Variants in GRB10 observed in about 807,000 individuals in gnomAD.
The protein encoded by GRB10 is growth factor receptor bound protein 10.
A neutral mutation model predicts 80.9 loss-of-function variants in GRB10; 20 were observed. That is an observed-to-expected ratio of 0.25 (90% confidence interval 0.17 to 0.36). The LOEUF is 0.36. Among genes scored for constraint, GRB10 ranks in the 10% least tolerant of loss-of-function variants. The pLI is 1.00. For missense variants in GRB10, 548 were observed against 747.7 expected (o/e 0.73, Z 3.12); for synonymous variants, 291 against 291.5 (o/e 1.00, Z 0.02).
intron 1 of GRB10, among the ~76,000 whole-genome samples, chr7:50,791,681 G>T (rs2078921310): frequency 2.0e-5 from 3 of 152,204 alleles, no homozygotes; most frequent in Admixed American, 2.0e-4. Context: ...AATGCCTGCT[G>T]GGCGTGTAAC....
chr7:50,606,691 C>T (rs2048593756), intron 13 of GRB10: 3 of 466,764 alleles, frequency 6.4e-6, no homozygotes, highest in Non-Finnish European at 1.2e-5. Flanking sequence ...ATAACATAAA[C>T]AGTTAATTAA....
rs571143537 is a variant in GRB10, at chr7:50,690,068, G to A, written c.139+13753C>T. ...TCCCAGCACTTTGGGAGGCCAAGAC[G>A]GGAGGATCACCTGAGGTCAGGAGTC... On this transcript the variant is annotated intron_variant, in intron 5 of 18. Transcript: ENST00000401949. Among the ~76,000 whole-genome samples the A allele has an allele frequency of 6.1e-4, 93 of 151,648 alleles. 1 individual carries two copies. The highest frequency in any genetic ancestry group is 1.3e-4 in the Admixed American group (2 of 15,250).
chr7:50,595,740 A>G (rs1585392623), intron 17 of GRB10: 30 of 524,748 alleles, frequency 5.7e-5, no homozygotes, highest in South Asian at 5.5e-4. Flanking sequence ...CTGAATTGTC[A>G]TTCTCCATTG....
intron 7 of GRB10, among the ~76,000 whole-genome samples, chr7:50,647,933 T>A (rs145888056): frequency 2.0e-5 from 3 of 152,090 alleles, no homozygotes; most frequent in Non-Finnish European, 4.4e-5. Context: ...GGAGGTATCA[T>A]GTTTGGAGGG....
At chr7:50,657,606 A>G (rs776071280) in intron 7 of GRB10, among the ~76,000 whole-genome samples, 5 of 152,230 alleles carry the variant, frequency 3.3e-5, no homozygotes, top group African/African-American at 4.8e-5. Flanking sequence ...CTGATTCTAG[A>G]GAATCTCTGT....
intron 7 of GRB10, among the ~76,000 whole-genome samples, chr7:50,645,873 C>T (rs758367504): frequency 1.5e-3 from 233 of 152,292 alleles, no homozygotes; most frequent in Non-Finnish European, 2.7e-3. Context: ...AGCCACATTG[C>T]GAGGAACTGC....
intron 6 of GRB10, among the ~76,000 whole-genome samples, chr7:50,670,455 A>T (rs554728954): frequency 6.7e-6 from 1 of 150,350 alleles, no homozygotes; most frequent in Admixed American, 6.7e-5. Context: ...CGAAAACTTT[A>T]AAAAAATTAC....
intron 2 of GRB10, among the ~76,000 whole-genome samples, chr7:50,763,315 T>G (rs1196147955): frequency 6.6e-6 from 1 of 152,028 alleles, no homozygotes; most frequent in African/African-American, 2.4e-5. Flanking sequence ...GGGAGACATA[T>G]ACAAACACAT....
chr7:50,787,860 C>T (rs1314953780), upstream of GRB10, among the ~76,000 whole-genome samples: 1 of 152,228 alleles, frequency 6.6e-6, no homozygotes, highest in Non-Finnish European at 1.5e-5. Flanking sequence ...CCCCTGCAGC[C>T]TGTCCTGGGC....
At chr7:50,671,436 T>G (rs2060338877) in intron 6 of GRB10, among the ~76,000 whole-genome samples, 1 of 152,244 alleles carries the variant, frequency 6.6e-6, no homozygotes, top group Non-Finnish European at 1.5e-5. Context: ...TAAAGGAAGA[T>G]CCAGCTAACT....
chr7:50,631,279 C>T (rs764143938), intron 7 of GRB10, among the ~76,000 whole-genome samples: 24 of 152,100 alleles, frequency 1.6e-4, no homozygotes, highest in Non-Finnish European at 1.5e-5. Flanking sequence ...GTAAAAATAG[C>T]AAATGGGGCA....
chr7:50,760,992 C>T (rs2075702378), intron 2 of GRB10, among the ~76,000 whole-genome samples: 2 of 152,170 alleles, frequency 1.3e-5, no homozygotes, highest in African/African-American at 4.8e-5. Flanking sequence ...TTTTGAAGAT[C>T]AAATTGAAGG....
At chr7:50,683,244 T>C (rs565182449) in intron 5 of GRB10, among the ~76,000 whole-genome samples, 2 of 152,328 alleles carry the variant, frequency 1.3e-5, no homozygotes, top group African/African-American at 2.4e-5. Context: ...ATTCTGCTCA[T>C]GGGGTCCCTG....
At chr7:50,685,993 T>C (rs554772851) in intron 5 of GRB10, among the ~76,000 whole-genome samples, 1 of 152,280 alleles carries the variant, frequency 6.6e-6, no homozygotes, top group African/African-American at 2.4e-5. Flanking sequence ...ACCTAGGAAC[T>C]TCTGGGGTGG....
chr7:50,619,255 A>G lies in GRB10; in HGVS notation c.692T>C (p.Val231Ala), dbSNP rs2051210588. 7 of 1,612,976 alleles carry G rather than the reference A, an allele frequency of 4.3e-6. No individual in the cohort carries two copies. Among genetic ancestry groups the G allele is most frequent in the Non-Finnish European group, 5.9e-6 (7 of 1,179,418 alleles). The change falls in exon 9 of 19, where the codon GTC becomes GCC. Residue 231 changes from valine (V) to alanine (A), a missense_variant. Around this residue, in one of 4 missense-constraint regions of GRB10, gnomAD observed 270 missense variants for 433.6 expected, o/e 0.62. Coordinates refer to ENST00000401949, the MANE Select transcript of GRB10 (RefSeq NM_001350814.2). ...ERCLEDHELV[V>A]QVESTMASES... is the part of the protein sequence containing the mutation. ...ACTGGCCATGGTACTCTCCACCTGGACCACCAGCTCATGGTCTTCCAAGCA... is the reference window on the plus strand; with the variant it reads ...ACTGGCCATGGTACTCTCCACCTGGGCCACCAGCTCATGGTCTTCCAAGCA...
chr7:50,637,773 G>A (rs2055352883), intron 7 of GRB10, among the ~76,000 whole-genome samples: 1 of 150,074 alleles, frequency 6.7e-6, no homozygotes, highest in African/African-American at 2.4e-5. Context: ...AAAGAACAAA[G>A]CCAGAGGTAT....
intron 4 of GRB10, among the ~76,000 whole-genome samples, chr7:50,712,603 T>C (rs1483526877): frequency 1.3e-5 from 2 of 152,220 alleles, no homozygotes; most frequent in African/African-American, 2.4e-5. Context: ...ACTAAAATCA[T>C]ACGGCCTAAA....
Position 50,616,367 on chromosome 7 carries a change from T to TA in GRB10, c.847-21dup, listed in dbSNP as rs1486876535. The TA allele has an allele frequency of 3.1e-5, 50 of 1,601,556 alleles. No individual in the cohort carries two copies. The highest frequency in any genetic ancestry group is 4.3e-5 in the Non-Finnish European group (50 of 1,168,822). On this transcript the variant is annotated intron_variant, in intron 10 of 18. Coordinates refer to ENST00000401949, the MANE Select transcript of GRB10 (RefSeq NM_001350814.2). The stretch of plus-strand genomic sequence containing the variant: ...AAAATTCTGTTGAAGAACAAATTTT[T>TA]AAAATCACATAATGCTAATCTAAAA...
chr7:50,636,750 T>C (rs1003742085), intron 7 of GRB10, among the ~76,000 whole-genome samples: 19 of 152,234 alleles, frequency 1.2e-4, no homozygotes, highest in Middle Eastern at 3.4e-3. Context: ...TAGAGCCATA[T>C]AGGACAAAAC....
Sources: allele counts gnomAD v4.1 joint callset (sites outside exome capture counted in the v4.1 genomes callset), GRCh38; gene constraint gnomAD v4.1.1; regional missense constraint gnomAD v4.1.1; transcripts MANE v1.5; gene names NCBI Gene and HGNC (gene_info 2026-07-23, HGNC 2026-07-21).